CNGA4: variants seen among roughly 807,000 people sequenced by gnomAD.
The protein encoded by CNGA4 is cyclic nucleotide-gated channel alpha-4.
In CNGA4, 32 loss-of-function variants were observed where a neutral mutation model predicts 45.6. That is an observed-to-expected ratio of 0.70 (90% confidence interval 0.53 to 0.94). CNGA4 has a LOEUF of 0.94. CNGA4 is among the 40% of genes least tolerant of loss of function. The pLI, the probability that CNGA4 is intolerant of heterozygous loss-of-function variation, is 0.00. For missense variants in CNGA4, 726 were observed against 755.1 expected (o/e 0.96, Z 0.45); for synonymous variants, 293 against 304.6 (o/e 0.96, Z 0.40).
upstream of CNGA4, among the ~76,000 whole-genome samples, chr11:6,236,404 C>G (rs1013287984): frequency 4.6e-5 from 7 of 152,160 alleles, no homozygotes; most frequent in African/African-American, 1.4e-4. Context: ...ACCAAACAAG[C>G]TGATAAGGCC....
rs111616103 is a variant in CNGA4, at chr11:6,241,737, T to C, written c.1224T>C (p.Gly408=). ...DDGITQYAVL[G]AGLYFGEISI... The stretch of plus-strand genomic sequence containing the variant: ...GTATCACACAGTATGCTGTGCTCGG[T>C]GCAGGGCTCTACTTTGGGGAGATCA... Residue 408 remains glycine, a synonymous_variant, in exon 5 of 6, where the codon GGT becomes GGC. Transcript: ENST00000379936. The C allele has an allele frequency of 9.3e-4, 1,509 of 1,614,184 alleles. 12 individuals are homozygous for C. The African/African-American group carries it at 0.017, about 18-fold the overall frequency.
intron 5 of CNGA4, chr11:6,242,115 A>G (rs886299162): frequency 2.4e-6 from 1 of 420,528 alleles, no homozygotes; most frequent in Non-Finnish European, 4.2e-6. Flanking sequence ...TGCTTACTGC[A>G]TCCCCTTTTC....
At position 6,240,187 on chromosome 11, in the gene CNGA4, G is replaced by T. The variant is rs1344947381; in HGVS notation, c.393G>T (p.Arg131=). 1 of 1,614,200 alleles carries T rather than the reference G, an allele frequency of 6.2e-7. No individual in the cohort carries two copies. Among genetic ancestry groups the T allele is most frequent in the Non-Finnish European group, 8.5e-7 (1 of 1,180,048 alleles). ...SLMPTDVVYV[R]LGPHTPTLRL... The stretch of plus-strand genomic sequence containing the variant: ...TGCCCACAGATGTGGTCTACGTGCG[G>T]CTGGGCCCGCACACACCCACCCTGA... The change falls in exon 4 of 6, where the codon CGG becomes CGT. Residue 131 remains arginine (R), a synonymous_variant. Coordinates refer to ENST00000379936, the MANE Select transcript of CNGA4 (RefSeq NM_001037329.4). This position sits in a 1 kb window ranked among gnomAD's most constrained non-coding sequence, Gnocchi z 4.9.
At chr11:6,242,551 C>T (rs902053565) in intron 5 of CNGA4, among the ~76,000 whole-genome samples, 1 of 152,068 alleles carries the variant, frequency 6.6e-6, no homozygotes, top group African/African-American at 2.4e-5. Context: ...AGGATTCTAC[C>T]CTCAGGGATT....
At chr11:6,243,359 G>A (rs1028331367) in intron 5 of CNGA4, among the ~76,000 whole-genome samples, 1 of 152,210 alleles carries the variant, frequency 6.6e-6, no homozygotes, top group Non-Finnish European at 1.5e-5. Context: ...GTGGCAGAAG[G>A]CAAAGGGGGA....
rs1847957107 is a variant in CNGA4, at chr11:6,244,164, T to C, written c.1483T>C (p.Ser495Pro). The change falls in exon 6 of 6, where the codon TCC becomes CCC. Residue 495 changes from serine to proline, a missense_variant. By Grantham distance (74) the Ser-to-Pro change is moderately conservative (BLOSUM62 -1). Coordinates refer to ENST00000379936, the MANE Select transcript of CNGA4 (RefSeq NM_001037329.4). This position sits in a 1 kb window ranked among gnomAD's most constrained non-coding sequence, Gnocchi z 4.5. ...GATCGCCCTGCAGGAGGCCACAGAG[T>C]CCCGGCTACGAGGCCTAGACCAGCA... Reference protein sequence around the residue: ...AEIALQEATESRLRGLDQQLD... With the variant: ...AEIALQEATEPRLRGLDQQLD... 1 of 1,614,026 alleles carries C rather than the reference T, an allele frequency of 6.2e-7. No individual in the cohort carries two copies. The highest frequency in any genetic ancestry group is 8.5e-7 in the Non-Finnish European group (1 of 1,179,980).
chr11:6,235,568 C>T (rs1847821126), upstream of CNGA4: 7 of 982,012 alleles, frequency 7.1e-6, no homozygotes, highest in Non-Finnish European at 8.5e-6. Flanking sequence ...GGTGTCTAAG[C>T]CGAGTCTTGG....
chr11:6,235,042 G>A (rs1333534826), upstream of CNGA4, among the ~76,000 whole-genome samples: 1 of 152,218 alleles, frequency 6.6e-6, no homozygotes, highest in Admixed American at 6.5e-5. Context: ...GGGCTTGGGA[G>A]AGATGGAGCC....
At chr11:6,239,298 C>T in intron 1 of CNGA4, 30 bp downstream of exon 1, 1 of 1,612,968 alleles carries the variant, frequency 6.2e-7, no homozygotes, top group Non-Finnish European at 8.5e-7. Context: ...TGTGTGGGAT[C>T]TCTCCTCATT....
At position 6,239,442 on chromosome 11, in the gene CNGA4, A is replaced by G. The variant is rs142160386; in HGVS notation, c.121A>G (p.Met41Val). The change falls in exon 2 of 6, where the codon ATG becomes GTG. Residue 41 changes from methionine to valine, a missense_variant. Coordinates refer to ENST00000379936, the MANE Select transcript of CNGA4 (RefSeq NM_001037329.4). ...TTACTACTACTGGTGGCTGAACACA[A>G]TGGTCTTCCCAGTCATGTATAACCT... The part of the protein sequence containing the change: ...GDYYYWWLNT[M>V]VFPVMYNLII... The G allele has an allele frequency of 2.3e-5, 37 of 1,614,080 alleles. No individual in the cohort carries two copies. The highest frequency in any genetic ancestry group is 6.7e-5 in the African/African-American group (5 of 74,922).
Position 6,240,060 on chromosome 11 carries a change from C to A in CNGA4, c.272-6C>A, listed in dbSNP as rs751160947. 1 of 1,600,196 alleles carries A rather than the reference C, an allele frequency of 6.2e-7. No individual in the cohort carries two copies. The highest frequency in any genetic ancestry group is 8.5e-7 in the Non-Finnish European group (1 of 1,172,610). ...GGTCCGCTTCCTACCGGCTCCCTCT[C>A]CCCAGGATTCTTGGAACAGGGCATC... is the stretch of plus-strand genomic sequence containing the variant. On this transcript the variant is annotated splice_region_variant and splice_polypyrimidine_tract_variant and intron_variant, in intron 3 of 5. Coordinates refer to ENST00000379936, the MANE Select transcript of CNGA4 (RefSeq NM_001037329.4). This position sits in a 1 kb window ranked among gnomAD's most constrained non-coding sequence, Gnocchi z 4.9.
At chr11:6,243,834 C>A in intron 5 of CNGA4, 115 bp from the exon 6 acceptor site, 1 of 907,076 alleles carries the variant, frequency 1.1e-6, no homozygotes, top group Non-Finnish European at 1.6e-6. Context: ...ATTAATGAGG[C>A]AGAAGGAGAG....
At position 6,240,562 on chromosome 11, in the gene CNGA4, G is replaced by A. The variant is rs1847902759; in HGVS notation, c.768G>A (p.Met256Ile). The A allele has an allele frequency of 6.2e-7, 1 of 1,614,238 alleles. No homozygotes were observed. The highest frequency in any genetic ancestry group is 1.3e-5 in the African/African-American group (1 of 75,062). The change falls in exon 4 of 6, where the codon ATG becomes ATA. Residue 256 changes from methionine (M) to isoleucine (I), a missense_variant. Physicochemically the swap from Met to Ile is conservative, Grantham distance 10. Transcript: ENST00000379936. This position sits in a 1 kb window ranked among gnomAD's most constrained non-coding sequence, Gnocchi z 4.9. ...FMVGDFLLAV[M>I]GFATIMGSMS... ...TGGGCGACTTCCTGCTGGCCGTCAT[G>A]GGTTTCGCCACCATCATGGGTAGCA... is the stretch of plus-strand genomic sequence containing the variant.
rs769812039 is a variant in CNGA4 at position 6,239,684 on chromosome 11, A to G, written c.165A>G (p.Arg55=). The part of the protein sequence containing the change: ...VMYNLIILVC[R]ACFPDLQHGY... The stretch of plus-strand genomic sequence containing the variant: ...AATCATGCTTAACCCTGCCCTGCAG[A>G]GCCTGCTTCCCCGACTTGCAGCACG... Residue 55 remains arginine, a splice_region_variant and synonymous_variant, in exon 3 of 6, where the codon AGA becomes AGG. Coordinates refer to ENST00000379936, the MANE Select transcript of CNGA4 (RefSeq NM_001037329.4). 5.0e-6 allele frequency: 8 copies of G among 1,613,988 alleles called. No homozygotes were observed. The East Asian group carries it at 1.1e-4, about 22-fold the overall frequency.
Position 6,240,316 on chromosome 11 carries a change from T to G in CNGA4, c.522T>G (p.Leu174=). 6.2e-7 allele frequency: 1 copy of G among 1,614,168 alleles called. No homozygotes were observed. Among genetic ancestry groups the G allele is most frequent in the Admixed American group, 1.7e-5 (1 of 60,038 alleles). ...CCTTTCGCATTGCCAAGCTGATGCT[T>G]TACATTTTTGTCGTCATCCATTGGA... The part of the protein sequence containing the change: ...PNAFRIAKLM[L]YIFVVIHWNS... The change falls in exon 4 of 6, where the codon CTT becomes CTG. Residue 174 remains leucine (L), a synonymous_variant. Transcript: ENST00000379936. This position sits in a 1 kb window ranked among gnomAD's most constrained non-coding sequence, Gnocchi z 4.9.
At chr11:6,235,944 AAAAAAAAGAAAAG>A (rs1219111203), upstream of CNGA4, among the ~76,000 whole-genome samples, 95 of 152,202 alleles carry the variant, frequency 6.2e-4, no homozygotes, top group African/African-American at 2.1e-3. Flanking sequence ...GTCTCAAAAA[AAAAAAAAGAAAAG>A]AAAAAAAGAA....
intron 5 of CNGA4, among the ~76,000 whole-genome samples, 184 bp from the exon 6 acceptor site, chr11:6,243,765 A>G (rs1355328338): frequency 6.6e-6 from 1 of 152,202 alleles, no homozygotes; most frequent in Non-Finnish European, 1.5e-5. Flanking sequence ...TATTTGAGGC[A>G]GGTCACTGAT....
At chr11:6,239,539 A>C in intron 2 of CNGA4, 54 bp downstream of exon 2, 1 of 1,589,782 alleles carries the variant, frequency 6.3e-7, no homozygotes. Context: ...GACTAAAGAG[A>C]GGTCAAGGAG....
chr11:6,243,334 A>G (rs1847943907), intron 5 of CNGA4, among the ~76,000 whole-genome samples: 1 of 152,190 alleles, frequency 6.6e-6, no homozygotes, highest in Non-Finnish European at 1.5e-5. Context: ...GGGAGGCTTC[A>G]AGAAGCTTAT....
Sources: allele counts gnomAD v4.1 joint callset (sites outside exome capture counted in the v4.1 genomes callset), GRCh38; gene constraint gnomAD v4.1.1; non-coding constraint Gnocchi (gnomAD v3.1); transcripts MANE v1.5; gene names NCBI Gene and HGNC (gene_info 2026-07-23, HGNC 2026-07-21).